Variants in ATXN3 observed in about 807,000 individuals in gnomAD.
The protein encoded by ATXN3 is ataxin 3, also known as ataxin-3.
ATXN3 carries 28 observed loss-of-function variants against 58.2 expected under a neutral mutation model. That is an observed-to-expected ratio of 0.48 (90% CI 0.36 to 0.66). The LOEUF (loss-of-function observed/expected upper bound fraction) is 0.66, where lower values mean the gene tolerates loss of function less well. Ranked by LOEUF, ATXN3 falls within the 30% of genes least tolerant of loss-of-function variation. ATXN3 has a pLI of 0.00. For missense variants in ATXN3, 321 were observed against 422.1 expected, an observed-to-expected ratio of 0.76 and a Z score of 2.10; for synonymous variants, 113 against 138.5, an observed-to-expected ratio of 0.82 and a Z score of 1.29.
intron 5 of ATXN3, 115 bp downstream of exon 5, chr14:92,093,137 C>G (rs1396780411): frequency 1.8e-6 from 1 of 566,986 alleles, no homozygotes; most frequent in African/African-American, 2.0e-5. Flanking sequence ...TTCAAGTGAT[C>G]CCCCCACCTC....
chr14:92,078,686 T>C (rs1432838381), intron 9 of ATXN3, among the ~76,000 whole-genome samples: 2 of 152,174 alleles, frequency 1.3e-5, no homozygotes, highest in Non-Finnish European at 2.9e-5. Flanking sequence ...TTACATTAAC[T>C]AGATAATTGA....
chr14:92,055,440 T>C (rs2057461846), downstream of ATXN3, among the ~76,000 whole-genome samples: 1 of 152,158 alleles, frequency 6.6e-6, no homozygotes, highest in South Asian at 2.1e-4. The surrounding 1 kb of genome is among the most constrained non-coding windows in gnomAD (Gnocchi z 4.5). Context: ...TGTGCAGCCA[T>C]TACAACTGTC....
chr14:92,082,694 G>A (rs1008614200), intron 7 of ATXN3, among the ~76,000 whole-genome samples: 2 of 149,516 alleles, frequency 1.3e-5, no homozygotes, highest in Non-Finnish European at 3.0e-5. Context: ...TCTCGACCAG[G>A]CTGGAGTGCG....
At chr14:92,088,680 AT>A in intron 6 of ATXN3, 49 bp downstream of exon 6, 1 of 1,286,054 alleles carries the variant, frequency 7.8e-7, no homozygotes. Context: ...GTGCCTGGTT[AT>A]TTAACTACTT....
At chr14:92,069,810 G>A (rs993499681) in intron 10 of ATXN3, among the ~76,000 whole-genome samples, 1 of 152,168 alleles carries the variant, frequency 6.6e-6, no homozygotes, top group Non-Finnish European at 1.5e-5. Flanking sequence ...TTCCAAAGCT[G>A]TACACTTTTA....
chr14:92,064,417 G>C lies in ATXN3; in HGVS notation c.992-3C>G. On this transcript the variant is annotated splice_polypyrimidine_tract_variant and splice_region_variant and intron_variant, in intron 10 of 10. Coordinates refer to ENST00000644486, the MANE Select transcript of ATXN3 (RefSeq NM_004993.6). Reference sequence around the variant, plus strand: ...GTCTTCTTCACTCATAGCATCACCTGTTGGGAAACAAAACCACATTTCTTT... The same window carrying C: ...GTCTTCTTCACTCATAGCATCACCTCTTGGGAAACAAAACCACATTTCTTT... The C allele has an allele frequency of 6.3e-7, 1 of 1,595,916 alleles. No homozygotes were observed. The highest frequency in any genetic ancestry group is 8.5e-7 in the Non-Finnish European group (1 of 1,169,640).
chr14:92,096,549 G>A lies in ATXN3; in HGVS notation c.189+125C>T, dbSNP rs370836455. 6.8e-5 allele frequency: 68 copies of A among 998,928 alleles called. 1 individual carries two copies. The East Asian group carries it at 1.5e-3, about 21-fold the overall frequency. 61.9% of individuals were successfully genotyped at this position (998,928 alleles called of 1,614,324 possible). A position where few individuals can be genotyped will look rare whatever the true frequency, so the allele number is the denominator to read the frequency against. ...TGAGGCAGGAGAATCGCTTGAACCC[G>A]GGAGGCAGAGGTTGCAGTGAGCCGA... On this transcript the variant is annotated intron_variant, in intron 2 of 10. Coordinates refer to ENST00000644486, the MANE Select transcript of ATXN3 (RefSeq NM_004993.6).
intron 1 of ATXN3, among the ~76,000 whole-genome samples, chr14:92,105,053 A>C (rs1465082497): frequency 1.3e-5 from 2 of 152,202 alleles, no homozygotes; most frequent in South Asian, 2.1e-4. Context: ...TATACGACTG[A>C]GTCCTTCCTC....
At chr14:92,077,097 T>C (rs1595682345) in intron 9 of ATXN3, among the ~76,000 whole-genome samples, 1 of 152,112 alleles carries the variant, frequency 6.6e-6, no homozygotes, top group Non-Finnish European at 1.5e-5. Context: ...GAAGAAATGA[T>C]AAGACATTTG....
chr14:92,078,689 A>G (rs540605599), intron 9 of ATXN3, among the ~76,000 whole-genome samples: 2 of 152,294 alleles, frequency 1.3e-5, no homozygotes, highest in South Asian at 2.1e-4. Context: ...CATTAACTAG[A>G]TAATTGATGA....
chr14:92,096,623 CAAAAAAAAAAA>C lies in ATXN3; in HGVS notation c.189+40_189+50del. 10 of 1,244,382 alleles carry C rather than the reference CAAAAAAAAAAA, an allele frequency of 8.0e-6. 1 individual carries two copies. In the South Asian group the frequency reaches 1.4e-4, roughly 18 times the overall value. 77.1% of individuals were successfully genotyped at this position (1,244,382 alleles called of 1,614,324 possible). A position where few individuals can be genotyped will look rare whatever the true frequency, so the allele number is the denominator to read the frequency against. On this transcript the variant is annotated intron_variant, in intron 2 of 10. Coordinates refer to ENST00000644486, the MANE Select transcript of ATXN3 (RefSeq NM_004993.6). ...TGGGCAACAGGGCGAGACTCCGTCTCAAAAAAAAAAAAAAAAAAGAAATGTGACTTAGTGAG... is the reference window on the plus strand; with the variant it reads ...TGGGCAACAGGGCGAGACTCCGTCTCAAAAAAAGAAATGTGACTTAGTGAG...
At chr14:92,081,147 AAGCCTT>A in intron 8 of ATXN3, 86 bp from the exon 9 acceptor site, 1 of 918,950 alleles carries the variant, frequency 1.1e-6, no homozygotes, top group Non-Finnish European at 1.7e-6. Flanking sequence ...TCATTTGAGT[AAGCCTT>A]TAAAACGTTT....
chr14:92,076,966 A>AATAAAC (rs1471757660), intron 9 of ATXN3, among the ~76,000 whole-genome samples: 4 of 151,502 alleles, frequency 2.6e-5, no homozygotes, highest in Admixed American at 2.6e-4. Context: ...AAAAGTCTGA[A>AATAAAC]ATAAACATGG....
At chr14:92,051,114 C>T (rs918493083), upstream of ATXN3, among the ~76,000 whole-genome samples, 1 of 152,138 alleles carries the variant, frequency 6.6e-6, no homozygotes, top group African/African-American at 2.4e-5. Flanking sequence ...TCTTGTATTT[C>T]CCTTTATTTC....
At chr14:92,066,639 G>A (rs570329309) in intron 10 of ATXN3, among the ~76,000 whole-genome samples, 1 of 128,150 alleles carries the variant, frequency 7.8e-6, no homozygotes, top group South Asian at 2.4e-4. Context: ...ACAAGGTCTC[G>A]CTCTGTCACC....
At chr14:92,092,337 C>G (rs996737714) in intron 5 of ATXN3, among the ~76,000 whole-genome samples, 2 of 152,040 alleles carry the variant, frequency 1.3e-5, no homozygotes, top group African/African-American at 4.8e-5. Flanking sequence ...TTTCAATAAC[C>G]CTCTTTCAAA....
chr14:92,094,101 C>G (rs1397652901), intron 3 of ATXN3, among the ~76,000 whole-genome samples: 1 of 152,028 alleles, frequency 6.6e-6, no homozygotes, highest in African/African-American at 2.4e-5. Context: ...CGCCACCACA[C>G]CCAGCTATTT....
intron 1 of ATXN3, among the ~76,000 whole-genome samples, chr14:92,104,382 C>T (rs1027696674): frequency 6.6e-6 from 1 of 152,056 alleles, no homozygotes; most frequent in African/African-American, 2.4e-5. Context: ...CCTCATGATC[C>T]GCCCGTCTGG....
At chr14:92,079,503 T>C in intron 9 of ATXN3, 1 of 889,692 alleles carries the variant, frequency 1.1e-6, no homozygotes, top group Non-Finnish European at 1.3e-6. Context: ...GTAAATATTT[T>C]CTTCATTATA....
Sources: gnomAD v4.1 joint callset for allele counts (sites outside exome capture counted in the v4.1 genomes callset) on GRCh38, gnomAD v4.1.1 for gene constraint, Gnocchi (gnomAD v3.1) non-coding constraint, MANE v1.5 for transcripts, NCBI Gene and HGNC (gene_info 2026-07-23, HGNC 2026-07-21) for gene names.